The following NPTN variants were observed in gnomAD, a reference collection of about 807,000 sequenced individuals.
NPTN encodes neuroplastin.
Under a neutral mutation model 42.7 loss-of-function variants are expected in NPTN, and 5 were observed. That is an observed-to-expected ratio of 0.12 (90% CI 0.06 to 0.25). The LOEUF is 0.25. Among genes scored for constraint, NPTN ranks in the 10% least tolerant of loss-of-function variants. The probability of loss-of-function intolerance (pLI) is 1.00; values close to 1 mark genes in which losing one functional copy is unlikely to be tolerated. For synonymous variants in NPTN, 180 were observed against 201.9 expected, an observed-to-expected ratio of 0.89 and a Z score of 0.92; for missense variants, 307 against 525.4, an observed-to-expected ratio of 0.58 and a Z score of 4.06.
intron 4 of NPTN, among the ~76,000 whole-genome samples, chr15:73,580,339 C>CA (rs1406235123): frequency 6.8e-6 from 1 of 147,718 alleles, no homozygotes; most frequent in Non-Finnish European, 1.5e-5. Context: ...ACCTATGTAA[C>CA]AAACCTGCAC....
rs932263760 is a variant in NPTN, at chr15:73,560,513, A to G, written c.*550T>C. 5 of 152,366 alleles carry G rather than the reference A, an allele frequency of 3.3e-5. No homozygotes were observed. The highest frequency in any genetic ancestry group is 1.2e-4 in the African/African-American group (5 of 41,394). The allele number at this position is 152,366 out of a possible 1,614,324, so 9.4% of individuals were successfully genotyped here. A position where few individuals can be genotyped will look rare whatever the true frequency, so the allele number is the denominator to read the frequency against. ...ATATTACTCATCTTTATGTACCAGA[A>G]CTGCACAATTTCCTCATCTGACAAC... On this transcript the variant is annotated 3_prime_UTR_variant, in exon 9 of 9. Transcript: ENST00000345330.
Position 73,620,272 on chromosome 15 carries a change from C to T in NPTN, c.91+12853G>A, listed in dbSNP as rs114955437. 5.8e-3 allele frequency among the ~76,000 whole-genome samples: 890 copies of T among 152,330 alleles called. 6 individuals carry two copies. Among genetic ancestry groups the T allele is most frequent in the African/African-American group, 0.02 (848 of 41,580 alleles). ...AACAAAAAGAGTAAAGGCAAGTCAA[C>T]AGCTGTTCTCCTTGCCTTTCCATTC... is the stretch of plus-strand genomic sequence containing the variant. On this transcript the variant is annotated intron_variant, in intron 1 of 8. Transcript: ENST00000345330.
chr15:73,616,523 T>C (rs1897867949), intron 1 of NPTN, among the ~76,000 whole-genome samples: 1 of 152,224 alleles, frequency 6.6e-6, no homozygotes, highest in African/African-American at 2.4e-5. Context: ...TTCTGACTCC[T>C]GTTCACTAAT....
intron 4 of NPTN, among the ~76,000 whole-genome samples, chr15:73,585,217 C>T (rs1382723428): frequency 6.6e-6 from 1 of 152,186 alleles, no homozygotes; most frequent in Non-Finnish European, 1.5e-5. Flanking sequence ...TTCTCAGAGA[C>T]TCCTTTCAGC....
At chr15:73,624,648 C>T (rs72625790) in intron 1 of NPTN, among the ~76,000 whole-genome samples, 11,273 of 152,138 alleles carry the variant, frequency 0.074, 869 homozygotes, top group East Asian at 0.4. Flanking sequence ...TAAACATGAA[C>T]GGCAGATGAT....
At chr15:73,633,082 G>T in intron 1 of NPTN, 43 bp downstream of exon 1, 1 of 1,317,884 alleles carries the variant, frequency 7.6e-7, no homozygotes, top group Non-Finnish European at 9.9e-7. Flanking sequence ...CGGCCCCGGC[G>T]CCCCTCAACC....
At chr15:73,580,596 G>GTATATACATGT (rs1555408088) in intron 4 of NPTN, among the ~76,000 whole-genome samples, 12 of 115,254 alleles carry the variant, frequency 1.0e-4, no homozygotes, top group African/African-American at 2.4e-4. Flanking sequence ...TGTTATATAT[G>GTATATACATGT]TATATATGTA....
intron 1 of NPTN, among the ~76,000 whole-genome samples, chr15:73,621,169 C>T (rs1406469603): frequency 6.6e-6 from 1 of 151,924 alleles, no homozygotes; most frequent in African/African-American, 2.4e-5. Context: ...TAACAAGGGT[C>T]CCTGTGACTA....
chr15:73,588,487 T>C (rs1896427877), intron 3 of NPTN, among the ~76,000 whole-genome samples: 1 of 152,164 alleles, frequency 6.6e-6, no homozygotes, highest in Non-Finnish European at 1.5e-5. Context: ...CAGCAAAAAG[T>C]CTGGTGATAA....
intron 1 of NPTN, among the ~76,000 whole-genome samples, chr15:73,611,973 A>G (rs1014802601): frequency 2.0e-5 from 3 of 152,136 alleles, no homozygotes; most frequent in Non-Finnish European, 2.9e-5. Flanking sequence ...ATAATCATGT[A>G]CTGAGGTTTA....
intron 1 of NPTN, among the ~76,000 whole-genome samples, chr15:73,617,675 A>C (rs1282612687): frequency 1.3e-5 from 2 of 152,224 alleles, no homozygotes; most frequent in Non-Finnish European, 2.9e-5. Context: ...ATAGTGTTGC[A>C]GAATGGTAAG....
At chr15:73,618,350 C>A (rs1056025846) in intron 1 of NPTN, among the ~76,000 whole-genome samples, 1 of 152,198 alleles carries the variant, frequency 6.6e-6, no homozygotes, top group African/African-American at 2.4e-5. Flanking sequence ...AAAATACCCA[C>A]TCACAATATG....
chr15:73,595,090 A>G (rs935995902), intron 2 of NPTN, among the ~76,000 whole-genome samples: 1 of 152,218 alleles, frequency 6.6e-6, no homozygotes, highest in Non-Finnish European at 1.5e-5. Context: ...ACATGCAGAC[A>G]ATTCTAAGTA....
At chr15:73,601,622 T>C (rs907417760) in intron 1 of NPTN, among the ~76,000 whole-genome samples, 4 of 152,240 alleles carry the variant, frequency 2.6e-5, no homozygotes, top group African/African-American at 9.6e-5. Context: ...GTTTGCTCTC[T>C]AGGTCAAGGG....
At chr15:73,596,836 A>G (rs1595934749) in intron 2 of NPTN, among the ~76,000 whole-genome samples, 186 bp downstream of exon 2, 1 of 152,236 alleles carries the variant, frequency 6.6e-6, no homozygotes, top group Non-Finnish European at 1.5e-5. Flanking sequence ...AAAGAAAAGA[A>G]GAAAAAAAGT....
chr15:73,618,989 G>T (rs1897996061), intron 1 of NPTN, among the ~76,000 whole-genome samples: 1 of 150,260 alleles, frequency 6.7e-6, no homozygotes, highest in Non-Finnish European at 1.5e-5. Context: ...AGCCTGGGAA[G>T]TCGAGGCTGC....
At chr15:73,632,330 C>T (rs888084860) in intron 1 of NPTN, among the ~76,000 whole-genome samples, 5 of 151,176 alleles carry the variant, frequency 3.3e-5, no homozygotes, top group African/African-American at 1.2e-4. Flanking sequence ...AGTTCCAACC[C>T]TTTCCCTCCA....
At chr15:73,574,831 CTATT>C (rs1260397500) in intron 4 of NPTN, among the ~76,000 whole-genome samples, 1 of 152,162 alleles carries the variant, frequency 6.6e-6, no homozygotes, top group East Asian at 1.9e-4. Flanking sequence ...TTGGTCTTCT[CTATT>C]TATAGGGATC....
rs548952291 is a variant in NPTN at position 73,596,564 on chromosome 15, A to T, written c.439+458T>A. 2.0e-5 allele frequency among the ~76,000 whole-genome samples: 3 copies of T among 152,346 alleles called. No homozygotes were observed. In the South Asian group the frequency reaches 6.2e-4, roughly 32 times the overall value. Reference sequence around the variant, plus strand: ...TAGTTAGACTGGGGAGAGAAACAAAAATAGAAAGGCACCAGAGAAGAAATC... The same window carrying T: ...TAGTTAGACTGGGGAGAGAAACAAATATAGAAAGGCACCAGAGAAGAAATC... On this transcript the variant is annotated intron_variant, in intron 2 of 8. Coordinates refer to ENST00000345330, the MANE Select transcript of NPTN (RefSeq NM_012428.4).
Sources: gnomAD v4.1 joint callset for allele counts (sites outside exome capture counted in the v4.1 genomes callset) on GRCh38, gnomAD v4.1.1 for gene constraint, MANE v1.5 for transcripts, NCBI Gene and HGNC (gene_info 2026-07-23, HGNC 2026-07-21) for gene names.